AKAP13: variants seen among roughly 807,000 people sequenced by gnomAD.
AKAP13 encodes the protein A-kinase anchoring protein 13, also known as A-kinase anchor protein 13.
A neutral mutation model predicts 264.5 loss-of-function variants in AKAP13; 80 were observed. That is an observed-to-expected ratio of 0.30 (90% CI 0.25 to 0.36). The LOEUF is 0.36. Among genes scored for constraint, AKAP13 ranks in the 10% least tolerant of loss-of-function variants. The pLI is 1.00. For synonymous variants in AKAP13, 1,380 were observed against 1,250.2 expected, an observed-to-expected ratio of 1.10 and a Z score of -2.19; for missense variants, 3,712 against 3,435.2, an observed-to-expected ratio of 1.08 and a Z score of -2.01.
In AKAP13 at chr15:85,414,133, C is replaced by A. The variant is rs190770621; in HGVS notation, c.-12+33335C>A. Among the ~76,000 whole-genome samples, 323 of 152,248 alleles carry A rather than the reference C, an allele frequency of 2.1e-3. 1 individual carries two copies. Among genetic ancestry groups the A allele is most frequent in the Middle Eastern group, 6.8e-3 (2 of 294 alleles). On this transcript the variant is annotated intron_variant, in intron 1 of 36. Transcript: ENST00000394518. ...TATTCCCAGATTTTTCTCCGATGTT[C>A]ATACTGTCTCTTGAAACCAGTCTTC...
intron 1 of AKAP13, among the ~76,000 whole-genome samples, chr15:85,478,372 A>T (rs908970326): frequency 6.6e-6 from 1 of 152,212 alleles, no homozygotes; most frequent in Admixed American, 6.5e-5. Flanking sequence ...TAAAATGATT[A>T]TAAGGATGTC....
chr15:85,642,347 C>G (rs949400397), intron 9 of AKAP13, among the ~76,000 whole-genome samples: 10 of 152,194 alleles, frequency 6.6e-5, no homozygotes, highest in African/African-American at 1.9e-4. Flanking sequence ...GTAGTCAGAC[C>G]TAGATTTAAG....
At chr15:85,663,181 G>A (rs542333046) in intron 12 of AKAP13, among the ~76,000 whole-genome samples, 1 of 152,098 alleles carries the variant, frequency 6.6e-6, no homozygotes, top group Non-Finnish European at 1.5e-5. Context: ...ACGGTAGCAG[G>A]TGCCTGTAAT....
intron 1 of AKAP13, among the ~76,000 whole-genome samples, chr15:85,466,194 G>T (rs1183884717): frequency 6.7e-6 from 1 of 150,180 alleles, no homozygotes; most frequent in Non-Finnish European, 1.5e-5. Flanking sequence ...ACTTTTTGAT[G>T]GGGTTGTTTG....
chr15:85,453,356 C>G (rs1253245498), intron 1 of AKAP13, among the ~76,000 whole-genome samples: 1 of 151,912 alleles, frequency 6.6e-6, no homozygotes, highest in Non-Finnish European at 1.5e-5. Flanking sequence ...ACCCACGTAA[C>G]AGTGGGGCCA....
intron 1 of AKAP13, among the ~76,000 whole-genome samples, chr15:85,399,527 A>AAAAAAAAAAAAAT (rs1567038675): frequency 3.5e-5 from 4 of 114,738 alleles, no homozygotes; most frequent in African/African-American, 3.6e-5. Flanking sequence ...AAAAAATAAA[A>AAAAAAAAAAAAAT]AAATAAAAAA....
chr15:85,688,741 T>C (rs2085087354), intron 16 of AKAP13, among the ~76,000 whole-genome samples: 1 of 152,208 alleles, frequency 6.6e-6, no homozygotes, highest in South Asian at 2.1e-4. Context: ...ATTGAGTCCT[T>C]GATCCTATGT....
intron 17 of AKAP13, among the ~76,000 whole-genome samples, chr15:85,701,606 AT>A (rs908726150): frequency 2.0e-4 from 30 of 150,446 alleles, no homozygotes; most frequent in Non-Finnish European, 7.4e-5. Context: ...CACCTGGCTA[AT>A]TTTTTTTTGT....
chr15:85,523,240 A>G (rs12900989), intron 3 of AKAP13, among the ~76,000 whole-genome samples: 136,484 of 152,058 alleles, frequency 0.9, 61,438 homozygotes, highest in South Asian at 0.96. Context: ...GATTTTTCTG[A>G]TTACTTGTCT....
intron 5 of AKAP13, among the ~76,000 whole-genome samples, chr15:85,562,639 G>A (rs1187150950): frequency 7.3e-6 from 1 of 137,278 alleles, no homozygotes; most frequent in African/African-American, 2.7e-5. Flanking sequence ...TTGAGCCTCT[G>A]TAAGAAAACT....
At chr15:85,692,291 A>G (rs374454740) in intron 16 of AKAP13, among the ~76,000 whole-genome samples, 1 of 152,190 alleles carries the variant, frequency 6.6e-6, no homozygotes, top group African/African-American at 2.4e-5. Flanking sequence ...ATTGCTAAGC[A>G]TTATTGTGTA....
chr15:85,528,021 A>G (rs957585066), intron 3 of AKAP13, among the ~76,000 whole-genome samples: 6 of 152,192 alleles, frequency 3.9e-5, no homozygotes, highest in African/African-American at 1.2e-4. Flanking sequence ...CAAAGTTCCT[A>G]TTGTTTCATC....
At chr15:85,632,967 G>A (rs1185477285) in intron 8 of AKAP13, among the ~76,000 whole-genome samples, 1 of 152,116 alleles carries the variant, frequency 6.6e-6, no homozygotes, top group East Asian at 1.9e-4. Flanking sequence ...CATGGTTCAA[G>A]CGATTCTCCT....
Position 85,721,994 on chromosome 15 carries a change from T to C in AKAP13, c.6256T>C (p.Ser2086Pro). ...TTCTGTTCTCTTTTCTCTGCAGTTT[T>C]CAGGTGAGAATGCAGAACGTTTAAA... ...RIGDVLVNQFSGENAERLKKT... is the reference protein window; with the variant it reads ...RIGDVLVNQFPGENAERLKKT... The change falls in exon 24 of 37, where the codon TCA becomes CCA. Residue 2086 changes from serine to proline, a missense_variant. Physicochemically the swap from Ser to Pro is moderately conservative, Grantham distance 74. Transcript: ENST00000394518. 6.2e-7 allele frequency: 1 copy of C among 1,614,066 alleles called. No homozygotes were observed. Among genetic ancestry groups the C allele is most frequent in the Non-Finnish European group, 8.5e-7 (1 of 1,179,910 alleles).
intron 17 of AKAP13, among the ~76,000 whole-genome samples, chr15:85,706,968 A>G (rs2086312959): frequency 6.6e-6 from 1 of 152,080 alleles, no homozygotes; most frequent in South Asian, 2.1e-4. Flanking sequence ...CCACAAATCC[A>G]TGTGTCTGGG....
chr15:85,393,642 C>A (rs1239818849), intron 1 of AKAP13, among the ~76,000 whole-genome samples: 2 of 152,152 alleles, frequency 1.3e-5, no homozygotes, highest in African/African-American at 4.8e-5. Flanking sequence ...TCTCTTAATT[C>A]CTTACAGTAA....
intron 35 of AKAP13, among the ~76,000 whole-genome samples, chr15:85,742,330 C>T (rs2089080639): frequency 6.6e-6 from 1 of 152,208 alleles, no homozygotes; most frequent in Non-Finnish European, 1.5e-5. Context: ...GAACTTGTAG[C>T]TTAATGGGGA....
At chr15:85,490,763 C>G (rs1316194265) in intron 2 of AKAP13, among the ~76,000 whole-genome samples, 1 of 152,150 alleles carries the variant, frequency 6.6e-6, no homozygotes, top group Non-Finnish European at 1.5e-5. Context: ...GAGATTTAGC[C>G]ATGAACAAAA....
Position 85,723,314 on chromosome 15 carries a change from T to A in AKAP13, c.6739T>A (p.Leu2247Met), listed in dbSNP as rs115354047. Residue 2247 changes from leucine (L) to methionine (M), a missense_variant, in exon 26 of 37, where the codon TTG becomes ATG. Leu to Met is a conservative substitution (Grantham distance 15). Around this residue, in one of 3 missense-constraint regions of AKAP13, gnomAD observed 342 missense variants for 484.3 expected, o/e 0.71. Transcript: ENST00000394518. ...GTTTCTGAAGAATGCAGCAGGAAGG[T>A]TGAAAGGTAAGGCTTGGCTCTTTTG... Reference protein sequence around the residue: ...SVFLKNAAGRLKEVQAVLLTD... With the variant: ...SVFLKNAAGRMKEVQAVLLTD... 4 of 1,613,886 alleles carry A rather than the reference T, an allele frequency of 2.5e-6. No homozygotes were observed. In the South Asian group the frequency reaches 4.4e-5, roughly 18 times the overall value.
Sources: allele counts gnomAD v4.1 joint callset (sites outside exome capture counted in the v4.1 genomes callset), GRCh38; gene constraint gnomAD v4.1.1; regional missense constraint gnomAD v4.1.1; transcripts MANE v1.5; gene names NCBI Gene and HGNC (gene_info 2026-07-23, HGNC 2026-07-21).